TTC6: variants seen among roughly 807,000 people sequenced by gnomAD.
TTC6 encodes tetratricopeptide repeat domain 6.
A neutral mutation model predicts 210.4 loss-of-function variants in TTC6; 172 were observed. That is an observed-to-expected ratio of 0.82 (90% CI 0.72 to 0.93). TTC6 has a LOEUF of 0.93. TTC6 is among the 40% of genes least tolerant of loss of function. The pLI, the probability that TTC6 is intolerant of heterozygous loss-of-function variation, is 0.00. For missense variants in TTC6, 2,414 were observed against 2,318.1 expected (o/e 1.04, Z -0.85); for synonymous variants, 804 against 819.6 (o/e 0.98, Z 0.32).
intron 1 of TTC6, among the ~76,000 whole-genome samples, chr14:37,632,168 G>C (rs2095671164): frequency 6.6e-6 from 1 of 152,186 alleles, no homozygotes; most frequent in Admixed American, 6.5e-5. Flanking sequence ...ATGGCAAGTA[G>C]TTGTGATCCT....
chr14:37,835,823 G>A (rs1042394182), intron 29 of TTC6, among the ~76,000 whole-genome samples: 3 of 152,130 alleles, frequency 2.0e-5, no homozygotes, highest in African/African-American at 7.2e-5. Context: ...TTCTTGCTTT[G>A]TATATAATTC....
At chr14:37,826,378 A>G in intron 28 of TTC6, 31 bp downstream of exon 30, 1 of 1,549,466 alleles carries the variant, frequency 6.5e-7, no homozygotes, top group Non-Finnish European at 8.7e-7. Context: ...TATTATTATT[A>G]GCATAAATTA....
At chr14:37,607,270 G>A (rs941184013) in intron 2 of TTC6, among the ~76,000 whole-genome samples, 3 of 152,162 alleles carry the variant, frequency 2.0e-5, no homozygotes, top group Non-Finnish European at 2.9e-5. Flanking sequence ...AGTGACCGAG[G>A]GGCTCATGGG....
chr14:37,636,293 AC>A (rs1354081315), intron 1 of TTC6, among the ~76,000 whole-genome samples: 10 of 152,180 alleles, frequency 6.6e-5, no homozygotes. Context: ...TTTTTAGAAT[AC>A]TTTACCCAAC....
At chr14:37,822,544 G>A (rs1207513138) in intron 26 of TTC6, among the ~76,000 whole-genome samples, 2 of 152,140 alleles carry the variant, frequency 1.3e-5, no homozygotes, top group Non-Finnish European at 2.9e-5. Flanking sequence ...TTGGGTGAAG[G>A]TTTCTGTGCT....
intron 14 of TTC6, among the ~76,000 whole-genome samples, chr14:37,771,171 C>A (rs1353454083): frequency 1.3e-5 from 2 of 152,112 alleles, no homozygotes; most frequent in African/African-American, 4.8e-5. Flanking sequence ...GCCGAGAGAT[C>A]CACTGTTAGT....
chr14:37,817,640 G>C (rs1187550337), exon 26 of TTC6: 2 of 1,614,010 alleles, frequency 1.2e-6, no homozygotes, highest in Non-Finnish European at 1.7e-6. Context: ...CCACTGCCAT[G>C]TGCCATCACA....
intron 3 of TTC6, among the ~76,000 whole-genome samples, chr14:37,691,032 A>G (rs2095802658): frequency 6.6e-6 from 1 of 152,094 alleles, no homozygotes; most frequent in Admixed American, 6.6e-5. Flanking sequence ...TTCTCTGACC[A>G]CAATAGAGTA....
intron 20 of TTC6, among the ~76,000 whole-genome samples, chr14:37,798,436 G>C (rs1407344608): frequency 1.3e-5 from 2 of 151,774 alleles, no homozygotes; most frequent in Non-Finnish European, 2.9e-5. Context: ...AAATGAAACT[G>C]ATTTTGGAAT....
At chr14:37,742,202 C>A (rs936986781) in intron 10 of TTC6, among the ~76,000 whole-genome samples, 14 of 152,242 alleles carry the variant, frequency 9.2e-5, no homozygotes, top group African/African-American at 3.1e-4. Flanking sequence ...TCTTCTTGTG[C>A]CCCTTTCTAG....
At chr14:37,750,372 A>G (rs1029088516) in intron 12 of TTC6, among the ~76,000 whole-genome samples, 10 of 152,212 alleles carry the variant, frequency 6.6e-5, no homozygotes, top group Non-Finnish European at 1.3e-4. Context: ...AGCTTAATAA[A>G]TGATTTTTGA....
At chr14:37,602,438 C>G in intron 1 of TTC6, among the ~76,000 whole-genome samples, 1 of 152,332 alleles carries the variant, frequency 6.6e-6, no homozygotes, top group Middle Eastern at 3.4e-3. Flanking sequence ...GGAGACCTCT[C>G]GTGTCATTTT....
chr14:37,619,625 C>T (rs2095648162), upstream of TTC6, among the ~76,000 whole-genome samples: 2 of 152,070 alleles, frequency 1.3e-5, no homozygotes, highest in African/African-American at 4.8e-5. Context: ...TTAATGCTGC[C>T]TTTATAATAT....
chr14:37,774,366 T>C (rs1050397119), intron 14 of TTC6, among the ~76,000 whole-genome samples: 7 of 152,176 alleles, frequency 4.6e-5, no homozygotes, highest in African/African-American at 1.7e-4. Context: ...TACCAGCTTC[T>C]GTCCATCCAA....
intron 2 of TTC6, among the ~76,000 whole-genome samples, chr14:37,610,730 CT>C (rs1336362434): frequency 6.6e-6 from 1 of 152,210 alleles, no homozygotes; most frequent in African/African-American, 2.4e-5. Context: ...ACTCTCTGGA[CT>C]TTTATGGTTA....
In TTC6 at chr14:37,667,828, GTAT is replaced by G. The variant is rs372033633; in HGVS notation, c.940-12320_940-12318del. 1.7e-3 allele frequency among the ~76,000 whole-genome samples: 259 copies of G among 150,668 alleles called. 3 individuals carry two copies. Among genetic ancestry groups the G allele is most frequent in the African/African-American group, 6.0e-3 (247 of 41,444 alleles). On this transcript the variant is annotated intron_variant, in intron 1 of 30. Transcript: ENST00000553443. ...ACTAAAGTTTATTCACCAGACACTA[GTAT>G]TAATTTATTTTAAAATTTGGCTGGG... is the stretch of plus-strand genomic sequence containing the variant.
chr14:37,699,853 G>A (rs1234470711), intron 4 of TTC6, among the ~76,000 whole-genome samples: 1 of 152,218 alleles, frequency 6.6e-6, no homozygotes, highest in East Asian at 1.9e-4. Flanking sequence ...TCAGCACAGA[G>A]GTAATAGCTG....
chr14:37,724,105 G>A (rs2095867003), intron 6 of TTC6, among the ~76,000 whole-genome samples: 1 of 152,038 alleles, frequency 6.6e-6, no homozygotes, highest in Non-Finnish European at 1.5e-5. Flanking sequence ...GAATATGTTA[G>A]TAAGATTTTG....
intron 29 of TTC6, among the ~76,000 whole-genome samples, chr14:37,840,336 A>G (rs2096207138): frequency 6.6e-6 from 1 of 152,198 alleles, no homozygotes; most frequent in Non-Finnish European, 1.5e-5. Context: ...GCTGAAATTG[A>G]GGCAGTAATT....
Sources: gnomAD v4.1 joint callset for allele counts (sites outside exome capture counted in the v4.1 genomes callset) on GRCh38, gnomAD v4.1.1 for gene constraint, MANE v1.5 for transcripts, NCBI Gene and HGNC (gene_info 2026-07-23, HGNC 2026-07-21) for gene names.